Variants in EVC2 observed in about 807,000 individuals in gnomAD.
EVC2 encodes the protein limbin.
In EVC2, 148 loss-of-function variants were observed where a neutral mutation model predicts 149.3. The ratio of observed to expected loss-of-function variants is 0.99; its 90% CI spans 0.87 to 1.14. The LOEUF (loss-of-function observed/expected upper bound fraction) is 1.14. Among genes scored for constraint, EVC2 ranks in the 50% most tolerant of loss-of-function variants. EVC2 has a pLI of 0.00. For missense variants in EVC2, 1,854 were observed against 1,627.3 expected (o/e 1.14, Z -2.40); for synonymous variants, 776 against 649.9 (o/e 1.19, Z -2.95).
intron 7 of EVC2, among the ~76,000 whole-genome samples, chr4:5,675,821 G>T (rs889724671): frequency 6.6e-6 from 1 of 152,256 alleles, no homozygotes; most frequent in East Asian, 1.9e-4. Context: ...GTGGGTGCCT[G>T]TAATCCCAGC....
intron 9 of EVC2, among the ~76,000 whole-genome samples, chr4:5,649,026 T>C (rs1560194480): frequency 6.6e-6 from 1 of 152,218 alleles, no homozygotes. Flanking sequence ...CCATTTTTAA[T>C]TATTCAGACA....
At chr4:5,689,808 C>T (rs1035834669) in intron 4 of EVC2, among the ~76,000 whole-genome samples, 9 of 152,212 alleles carry the variant, frequency 5.9e-5, no homozygotes, top group Non-Finnish European at 8.8e-5. Context: ...CACATTCAGG[C>T]TCTGCCCAGC....
intron 8 of EVC2, 56 bp from the exon 9 acceptor site, chr4:5,663,302 G>A (rs1407881768): frequency 6.2e-7 from 1 of 1,610,652 alleles, no homozygotes; most frequent in African/African-American, 1.3e-5. Flanking sequence ...AATTCCACGT[G>A]CTGAGAAAGC....
chr4:5,602,314 A>G (rs13103053), intron 16 of EVC2, among the ~76,000 whole-genome samples: 1 of 146,216 alleles, frequency 6.8e-6, no homozygotes, highest in African/African-American at 2.6e-5. Flanking sequence ...AAAAAAAAAA[A>G]GTAAAAAGAA....
rs1715429088 is a variant in EVC2 at position 5,618,413 on chromosome 4, C to T, written c.2706+65G>A. 14 of 1,594,348 alleles carry T rather than the reference C, an allele frequency of 8.8e-6. No individual in the cohort carries two copies. Among genetic ancestry groups the T allele is most frequent in the African/African-American group, 1.3e-5 (1 of 74,516 alleles). ...CTCAGGCTGGGGAAGAGGCCAGACC[C>T]TGTAGGGCCAGCAGCTGGGAGACGG... On this transcript the variant is annotated intron_variant, in intron 15 of 21. Transcript: ENST00000344408. The surrounding 1 kb of genome is among the most constrained non-coding windows in gnomAD (Gnocchi z 4.4).
At position 5,696,663 on chromosome 4, in the gene EVC2, G is replaced by A. The variant is rs1721497341; in HGVS notation, c.283+930C>T. Among the ~76,000 whole-genome samples the A allele has an allele frequency of 1.3e-5, 2 of 152,240 alleles. No homozygotes were observed. The highest frequency in any genetic ancestry group is 2.4e-5 in the African/African-American group (1 of 41,462). ...CACCAGAGGAAAGCAGGGCGGCTGA[G>A]AGGGAAGGAGAAAGGCAGAGCCGTA... On this transcript the variant is annotated intron_variant, in intron 2 of 21. Transcript: ENST00000344408. This position sits in a 1 kb window ranked among gnomAD's most constrained non-coding sequence, Gnocchi z 4.1.
chr4:5,634,654 C>T (rs73063785), intron 10 of EVC2, among the ~76,000 whole-genome samples: 60 of 152,292 alleles, frequency 3.9e-4, no homozygotes, highest in African/African-American at 1.3e-3. Context: ...GTGGACAGGA[C>T]TCCCATGCCC....
At chr4:5,694,595 G>C in intron 2 of EVC2, 94 bp from the exon 3 acceptor site, 1 of 1,446,042 alleles carries the variant, frequency 6.9e-7, no homozygotes, top group Admixed American at 1.7e-5. Flanking sequence ...GTACATGGAA[G>C]GTACTTAGAA....
chr4:5,595,058 T>C (rs865859880), intron 16 of EVC2, among the ~76,000 whole-genome samples: 2 of 152,088 alleles, frequency 1.3e-5, no homozygotes, highest in African/African-American at 4.8e-5. Flanking sequence ...CCAAGAAATA[T>C]GGGACTATGT....
chr4:5,546,009 A>G (rs573789672), intron 21 of EVC2, among the ~76,000 whole-genome samples: 12 of 152,310 alleles, frequency 7.9e-5, no homozygotes, highest in Non-Finnish European at 1.3e-4. Context: ...CAAAACCACA[A>G]TGAGATACCA....
At chr4:5,646,316 C>A (rs1428014193) in intron 9 of EVC2, among the ~76,000 whole-genome samples, 1 of 152,008 alleles carries the variant, frequency 6.6e-6, no homozygotes, top group Non-Finnish European at 1.5e-5. Flanking sequence ...CCCTAATGAT[C>A]TTTTTTTCAT....
At chr4:5,556,816 A>C (rs1721848196) in intron 21 of EVC2, among the ~76,000 whole-genome samples, 2 of 152,222 alleles carry the variant, frequency 1.3e-5, no homozygotes, top group South Asian at 4.1e-4. Flanking sequence ...CTATGCCCAT[A>C]ATTTTGGTAA....
chr4:5,686,992 C>A lies in EVC2; in HGVS notation c.707-1513G>T, dbSNP rs1037667391. Among the ~76,000 whole-genome samples the A allele has an allele frequency of 6.6e-6, 1 of 152,182 alleles. No homozygotes were observed. Among genetic ancestry groups the A allele is most frequent in the Admixed American group, 6.5e-5 (1 of 15,268 alleles). ...ACAACAGTGGCCGGGCATGGTGGCTCACGCCTGTAATCCTAGCACTTTGGG... is the reference window on the plus strand; with the variant it reads ...ACAACAGTGGCCGGGCATGGTGGCTAACGCCTGTAATCCTAGCACTTTGGG... On this transcript the variant is annotated intron_variant, in intron 5 of 21. Transcript: ENST00000344408. The surrounding 1 kb of genome is among the most constrained non-coding windows in gnomAD (Gnocchi z 5.4).
At chr4:5,648,317 A>G (rs1717876538) in intron 9 of EVC2, among the ~76,000 whole-genome samples, 1 of 152,178 alleles carries the variant, frequency 6.6e-6, no homozygotes, top group Non-Finnish European at 1.5e-5. Context: ...TAAGATTCAT[A>G]TTGTGGTAAT....
At chr4:5,542,056 G>A (rs1358788951), downstream of EVC2, among the ~76,000 whole-genome samples, 1 of 152,172 alleles carries the variant, frequency 6.6e-6, no homozygotes, top group Non-Finnish European at 1.5e-5. Context: ...AAGCCAGAGA[G>A]CCAGCTAGCC....
chr4:5,674,765 C>CAAA (rs2151717466), intron 7 of EVC2, among the ~76,000 whole-genome samples: 1 of 152,188 alleles, frequency 6.6e-6, no homozygotes, highest in Non-Finnish European at 1.5e-5. Flanking sequence ...TGAATGGAGG[C>CAAA]CCCTCAAGAA....
At position 5,665,500 on chromosome 4, in the gene EVC2, T is replaced by G. The variant is rs752062199; in HGVS notation, c.1005+15A>C. The stretch of plus-strand genomic sequence containing the variant: ...ACATTCACCACCTTCCAAACCACCC[T>G]CAGGGAAGACTCACCCGATGTCTGG... On this transcript the variant is annotated intron_variant, in intron 8 of 21. Coordinates refer to ENST00000344408, the MANE Select transcript of EVC2 (RefSeq NM_147127.5). 3.1e-6 allele frequency: 5 copies of G among 1,613,830 alleles called. No individual in the cohort carries two copies. The highest frequency in any genetic ancestry group is 4.2e-6 in the Non-Finnish European group (5 of 1,180,006).
chr4:5,649,969 C>T (rs1717994839), intron 9 of EVC2, among the ~76,000 whole-genome samples: 1 of 152,184 alleles, frequency 6.6e-6, no homozygotes, highest in Non-Finnish European at 1.5e-5. Flanking sequence ...TAGTCACCTA[C>T]ATGAGCAAAA....
chr4:5,659,167 AG>A (rs1286309914), intron 9 of EVC2, among the ~76,000 whole-genome samples: 2 of 152,212 alleles, frequency 1.3e-5, no homozygotes, highest in Non-Finnish European at 2.9e-5. Context: ...GCTTGAAATG[AG>A]GGGGCAATCA....
Sources: gnomAD v4.1 joint callset for allele counts (sites outside exome capture counted in the v4.1 genomes callset) on GRCh38, gnomAD v4.1.1 for gene constraint, Gnocchi (gnomAD v3.1) non-coding constraint, MANE v1.5 for transcripts, NCBI Gene and HGNC (gene_info 2026-07-23, HGNC 2026-07-21) for gene names.